The following PDE4B variants were observed in gnomAD, a reference collection of about 807,000 sequenced individuals.
PDE4B encodes the protein phosphodiesterase 4B, also known as 3',5'-cyclic-AMP phosphodiesterase 4B.
PDE4B carries 20 observed loss-of-function variants against 82.2 expected under a neutral mutation model. The observed-to-expected ratio is 0.24, with a 90% CI of 0.17 to 0.35. The LOEUF (loss-of-function observed/expected upper bound fraction) is 0.35, where lower values mean the gene tolerates loss of function less well. Ranked by LOEUF, PDE4B falls within the 10% of genes least tolerant of loss-of-function variation. The pLI is 1.00. For synonymous variants in PDE4B, 320 were observed against 318.9 expected (o/e 1.00, Z -0.04); for missense variants, 655 against 907.2 (o/e 0.72, Z 3.57).
chr1:65,913,453 A>G (rs1484259827), intron 2 of PDE4B, 97 bp downstream of exon 2: 1 of 1,117,756 alleles, frequency 8.9e-7, no homozygotes, highest in African/African-American at 1.5e-5. Flanking sequence ...TTAACACACC[A>G]CTCTGTGACT....
chr1:66,164,755 C>CTTTTTTTTTTTTTTTTTTTTTTT (rs145224852), intron 3 of PDE4B, among the ~76,000 whole-genome samples: 1 of 87,874 alleles, frequency 1.1e-5, no homozygotes, highest in Non-Finnish European at 2.1e-5. Flanking sequence ...CTTTTCTTTT[C>CTTTTTTTTTTTTTTTTTTTTTTT]TTTTTTTTTT....
At chr1:66,130,012 A>T (rs942073144) in intron 3 of PDE4B, among the ~76,000 whole-genome samples, 1 of 152,224 alleles carries the variant, frequency 6.6e-6, no homozygotes, top group Non-Finnish European at 1.5e-5. Flanking sequence ...GAGAGTTTGG[A>T]CTTCTCTCAG....
intron 7 of PDE4B, among the ~76,000 whole-genome samples, chr1:66,330,526 G>A (rs1200969722): frequency 6.6e-6 from 1 of 152,196 alleles, no homozygotes; most frequent in African/African-American, 2.4e-5. Flanking sequence ...AAAAGGCTAG[G>A]AGCAAGCTAC....
intron 1 of PDE4B, among the ~76,000 whole-genome samples, chr1:65,826,253 A>G (rs964241408): frequency 6.6e-6 from 1 of 152,122 alleles, no homozygotes; most frequent in African/African-American, 2.4e-5. Context: ...CCTGCCTCCT[A>G]AGTTACTGAT....
intron 3 of PDE4B, among the ~76,000 whole-genome samples, chr1:66,087,359 A>C (rs1307119820): frequency 1.3e-5 from 2 of 152,004 alleles, no homozygotes; most frequent in South Asian, 2.1e-4. Flanking sequence ...TTTTCTTCTA[A>C]ATTTGTTTGA....
chr1:66,292,195 A>G (rs1657136280), intron 7 of PDE4B, among the ~76,000 whole-genome samples: 1 of 152,226 alleles, frequency 6.6e-6, no homozygotes, highest in Non-Finnish European at 1.5e-5. Flanking sequence ...AAATTAAATG[A>G]CCTTTAACAG....
At chr1:66,204,449 G>T (rs954737036) in intron 3 of PDE4B, among the ~76,000 whole-genome samples, 1 of 152,252 alleles carries the variant, frequency 6.6e-6, no homozygotes, top group Non-Finnish European at 1.5e-5. Flanking sequence ...CCCATAGGTG[G>T]AGCCTACAGA....
chr1:66,289,069 G>T (rs1383685458), intron 7 of PDE4B, among the ~76,000 whole-genome samples: 1 of 152,052 alleles, frequency 6.6e-6, no homozygotes, highest in Non-Finnish European at 1.5e-5. Flanking sequence ...AGAAATGGAA[G>T]ACTGGGCAAC....
chr1:66,150,295 T>C (rs1437767209), intron 3 of PDE4B, among the ~76,000 whole-genome samples: 1 of 152,208 alleles, frequency 6.6e-6, no homozygotes, highest in African/African-American at 2.4e-5. Context: ...CCAATGGAAT[T>C]GTGTCAGGCA....
At chr1:66,162,333 T>TTTTTTTTTTTTTTG (rs1646633420) in intron 3 of PDE4B, among the ~76,000 whole-genome samples, 1 of 144,154 alleles carries the variant, frequency 6.9e-6, no homozygotes, top group Non-Finnish European at 1.5e-5. Flanking sequence ...TTTTTTTTTT[T>TTTTTTTTTTTTTTG]GCTATTCTGG....
At chr1:66,362,820 A>C (rs1298399407) in intron 10 of PDE4B, among the ~76,000 whole-genome samples, 1 of 152,194 alleles carries the variant, frequency 6.6e-6, no homozygotes, top group Admixed American at 6.5e-5. Context: ...GTAAGCAGCA[A>C]GGGGAGAGAC....
At chr1:65,910,655 G>T (rs540123839) in intron 1 of PDE4B, among the ~76,000 whole-genome samples, 27 of 152,272 alleles carry the variant, frequency 1.8e-4, no homozygotes, top group Non-Finnish European at 2.9e-4. Flanking sequence ...AGCTGCTTCC[G>T]GTTCTACAGC....
At chr1:65,902,295 C>CA (rs1221175823) in intron 1 of PDE4B, among the ~76,000 whole-genome samples, 1 of 152,022 alleles carries the variant, frequency 6.6e-6, no homozygotes, top group Admixed American at 6.6e-5. Flanking sequence ...ATGTATGCAA[C>CA]AAATAATTGT....
chr1:65,887,634 T>C (rs1260322224), intron 1 of PDE4B, among the ~76,000 whole-genome samples: 1 of 151,290 alleles, frequency 6.6e-6, no homozygotes, highest in Non-Finnish European at 1.5e-5. Context: ...CCCAGGCTGG[T>C]CTCAAACTTC....
At chr1:66,160,207 G>T (rs1321359237) in intron 3 of PDE4B, among the ~76,000 whole-genome samples, 2 of 152,116 alleles carry the variant, frequency 1.3e-5, no homozygotes, top group Admixed American at 6.5e-5. Context: ...AATTTACCAG[G>T]TATATGGAGA....
At chr1:66,118,342 C>A (rs569875366) in intron 3 of PDE4B, among the ~76,000 whole-genome samples, 1 of 152,162 alleles carries the variant, frequency 6.6e-6, no homozygotes, top group Admixed American at 6.5e-5. Flanking sequence ...CAATGATAGA[C>A]TGAATTAAGA....
chr1:66,266,001 TAC>T, intron 6 of PDE4B, 35 bp from the exon 7 acceptor site: 1 of 1,565,124 alleles, frequency 6.4e-7, no homozygotes, highest in Non-Finnish European at 8.8e-7. Flanking sequence ...GCAGTTTTGA[TAC>T]ACAGACTCAG....
intron 1 of PDE4B, among the ~76,000 whole-genome samples, chr1:65,880,079 G>A (rs758740657): frequency 6.6e-6 from 1 of 152,172 alleles, no homozygotes; most frequent in Non-Finnish European, 1.5e-5. Context: ...TGTCTGGCTT[G>A]TTACTGTTTG....
intron 7 of PDE4B, among the ~76,000 whole-genome samples, chr1:66,329,826 T>C (rs1659984999): frequency 6.6e-6 from 1 of 152,216 alleles, no homozygotes; most frequent in African/African-American, 2.4e-5. Flanking sequence ...TGATTCTCAC[T>C]CCAAATCTGG....
Sources: gnomAD v4.1 joint callset for allele counts (sites outside exome capture counted in the v4.1 genomes callset) on GRCh38, gnomAD v4.1.1 for gene constraint, MANE v1.5 for transcripts, NCBI Gene and HGNC (gene_info 2026-07-23, HGNC 2026-07-21) for gene names.